BRCA2: variants seen among roughly 807,000 people sequenced by gnomAD.
BRCA2 encodes the protein breast cancer type 2 susceptibility protein.
Under a neutral mutation model 276.7 loss-of-function variants are expected in BRCA2, and 203 were observed. That is an observed-to-expected ratio of 0.73 (90% CI 0.65 to 0.82). The LOEUF is 0.82. Ranked by LOEUF, BRCA2 falls within the 40% of genes least tolerant of loss-of-function variation. BRCA2 has a pLI of 0.00. For missense variants in BRCA2, 3,920 were observed against 3,915.0 expected, an observed-to-expected ratio of 1.00 and a Z score of -0.03; for synonymous variants, 1,289 against 1,338.4, an observed-to-expected ratio of 0.96 and a Z score of 0.81.
chr13:32,343,423 C>T (rs2072587872), intron 11 of BRCA2, among the ~76,000 whole-genome samples: 1 of 152,012 alleles, frequency 6.6e-6, no homozygotes, highest in South Asian at 2.1e-4. Flanking sequence ...AGAGAGACAC[C>T]GAAGTTAGTC....
Position 32,362,472 on chromosome 13 carries a change from A to C in BRCA2, c.7806-51A>C, listed in dbSNP as rs764491979. Reference sequence around the variant, plus strand: ...GAGAATAGTTGTAGTTGTTGAATTCAGTATCATCCTATGTGGTTTTTATGA... The same window carrying C: ...GAGAATAGTTGTAGTTGTTGAATTCCGTATCATCCTATGTGGTTTTTATGA... On this transcript the variant is annotated intron_variant, in intron 16 of 26. Coordinates refer to ENST00000380152, the MANE Select transcript of BRCA2 (RefSeq NM_000059.4). 13 of 1,534,422 alleles carry C rather than the reference A, an allele frequency of 8.5e-6. No individual in the cohort carries two copies. The Admixed American group carries it at 2.2e-4, about 26-fold the overall frequency.
At chr13:32,388,341 ACTC>A (rs1365031188) in intron 24 of BRCA2, among the ~76,000 whole-genome samples, 2 of 151,392 alleles carry the variant, frequency 1.3e-5, no homozygotes, top group Non-Finnish European at 2.9e-5. Flanking sequence ...GTGGTCTTGA[ACTC>A]CTGAGCTCAG....
chr13:32,326,665 T>C, intron 7 of BRCA2, 52 bp downstream of exon 7: 1 of 1,329,138 alleles, frequency 7.5e-7, no homozygotes, highest in South Asian at 1.2e-5. Flanking sequence ...GGTTGATAAT[T>C]GTCATCTCTA....
chr13:32,329,373 A>T (rs2137457814), intron 7 of BRCA2, 70 bp from the exon 8 acceptor site: 1 of 1,076,132 alleles, frequency 9.3e-7, no homozygotes, highest in South Asian at 1.4e-5. Flanking sequence ...GTGCTTTTTG[A>T]TGTCTGACAA....
chr13:32,355,601 C>T (rs1316876907), intron 14 of BRCA2, among the ~76,000 whole-genome samples: 5 of 152,106 alleles, frequency 3.3e-5, no homozygotes, highest in Admixed American at 3.3e-4. Context: ...GTGGCTCATG[C>T]CTGTAATCCC....
At chr13:32,316,588 C>A (rs2138698959) in intron 2 of BRCA2, 61 bp downstream of exon 2, 1 of 1,476,784 alleles carries the variant, frequency 6.8e-7, no homozygotes, top group Non-Finnish European at 9.4e-7. Context: ...CTAAAAAATG[C>A]TTGCTAAAAA....
chr13:32,317,199 A>AAAAC (rs568073244), intron 2 of BRCA2, among the ~76,000 whole-genome samples: 4 of 152,232 alleles, frequency 2.6e-5, no homozygotes, highest in East Asian at 1.9e-4. Context: ...ACTCTGTCTC[A>AAAAC]AAACAAACAA....
intron 25 of BRCA2, chr13:32,395,994 C>CA (rs1335065907): frequency 1.1e-5 from 1 of 91,842 alleles, no homozygotes; most frequent in Admixed American, 1.8e-4. Flanking sequence ...TTTTTAGAGA[C>CA]AGAGTCTTGC....
chr13:32,399,053 C>T lies in BRCA2; in HGVS notation c.*283C>T. On this transcript the variant is annotated 3_prime_UTR_variant, in exon 27 of 27. Transcript: ENST00000380152. ...CGGTGGCTCATGCCTGTAATCCCAA[C>T]ACTTTGAGAAGCTGAGGTGGGAGGA... 2.7e-6 allele frequency: 1 copy of T among 373,032 alleles called. No homozygotes were observed. Among genetic ancestry groups the T allele is most frequent in the South Asian group, 3.6e-5 (1 of 27,720 alleles). The allele number at this position is 373,032 out of a possible 1,614,324, so 23.1% of individuals were successfully genotyped here. A position where few individuals can be genotyped will look rare whatever the true frequency, so the allele number is the denominator to read the frequency against.
chr13:32,347,776 C>T (rs2072621719), intron 13 of BRCA2, among the ~76,000 whole-genome samples: 1 of 151,872 alleles, frequency 6.6e-6, no homozygotes, highest in Admixed American at 6.6e-5. Flanking sequence ...ATAGAAAAGA[C>T]CAAAAAATAC....
chr13:32,340,797 T>C lies in BRCA2; in HGVS notation c.6442T>C (p.Ser2148Pro), dbSNP rs1314863621. 1 of 1,591,058 alleles carries C rather than the reference T, an allele frequency of 6.3e-7. No homozygotes were observed. The highest frequency in any genetic ancestry group is 1.2e-5 in the South Asian group (1 of 86,364). ...AGGTGGTTCTTCAGAAAATAATCAC[T>C]CTATTAAAGTTTCTCCATATCTCTC... ...VEGGSSENNH[S>P]IKVSPYLSQF... Residue 2148 changes from serine (S) to proline (P), a missense_variant, in exon 11 of 27, where the codon TCT becomes CCT. Ser to Pro is a moderately conservative substitution (Grantham distance 74, BLOSUM62 -1). This residue lies in a region of BRCA2 where 3,263 missense variants were observed against 3,156.9 expected (regional missense o/e 1.03). Coordinates refer to ENST00000380152, the MANE Select transcript of BRCA2 (RefSeq NM_000059.4).
chr13:32,365,247 AC>A lies in BRCA2; in HGVS notation c.8331+1715del, dbSNP rs550559376. The stretch of plus-strand genomic sequence containing the variant: ...GAACTTCTGGGCTCAAACGGTCCTC[AC>A]GCTTTAGCCTCCGAGAGTGCTGGGA... On this transcript the variant is annotated intron_variant, in intron 18 of 26. Transcript: ENST00000380152. Among the ~76,000 whole-genome samples, 65 of 149,842 alleles carry A rather than the reference AC, an allele frequency of 4.3e-4. 1 individual carries two copies. The South Asian group carries it at 9.1e-3, about 21-fold the overall frequency.
rs81002811 is a variant in BRCA2, at chr13:32,344,538, T to A, written c.6842-20T>A. 1.5e-4 allele frequency: 210 copies of A among 1,435,384 alleles called. 2 individuals carry two copies. In the Admixed American group the frequency reaches 1.7e-3, roughly 11 times the overall value. The allele number at this position is 1,435,384 out of a possible 1,614,324, so 88.9% of individuals were successfully genotyped here. ...TGATATTATTTGCCTTAAAAACATA[T>A]ATGAAATATTTCTTTTTAGGAGAAC... On this transcript the variant is annotated intron_variant, in intron 11 of 26. Transcript: ENST00000380152.
intron 13 of BRCA2, among the ~76,000 whole-genome samples, chr13:32,351,224 C>T (rs1442438399): frequency 1.3e-5 from 2 of 152,200 alleles, no homozygotes; most frequent in African/African-American, 2.4e-5. Context: ...CTGTAACACT[C>T]ACCACGAAGG....
Position 32,379,898 on chromosome 13 carries a change from G to C in BRCA2, c.9102G>C (p.Gln3034His), listed in dbSNP as rs1336395181. ...AGTTAGCAGCGACAAAAAAAACTCA[G>C]TATCAACAACTACCGGTACAAACCT... ...NIQLAATKKTQYQQLPVSDEI... is the reference protein window; with the variant it reads ...NIQLAATKKTHYQQLPVSDEI... The change falls in exon 23 of 27, where the codon CAG becomes CAC. Residue 3034 changes from glutamine to histidine, a missense_variant. Physicochemically the swap from Gln to His is conservative, Grantham distance 24 (BLOSUM62 0). Coordinates refer to ENST00000380152, the MANE Select transcript of BRCA2 (RefSeq NM_000059.4). 2 of 1,613,596 alleles carry C rather than the reference G, an allele frequency of 1.2e-6. No individual in the cohort carries two copies. The highest frequency in any genetic ancestry group is 2.7e-5 in the African/African-American group (2 of 74,914).
At position 32,338,825 on chromosome 13, in the gene BRCA2, A is replaced by G. The variant is rs1593902461; in HGVS notation, c.4470A>G (p.Ile1490Met). 1 of 1,613,876 alleles carries G rather than the reference A, an allele frequency of 6.2e-7. No individual in the cohort carries two copies. The change falls in exon 11 of 27, where the codon ATA becomes ATG. Residue 1490 changes from isoleucine to methionine, a missense_variant. Ile to Met is a conservative substitution (Grantham distance 10, BLOSUM62 1). This residue lies in a region of BRCA2 where 3,263 missense variants were observed against 3,156.9 expected (regional missense o/e 1.03). Coordinates refer to ENST00000380152, the MANE Select transcript of BRCA2 (RefSeq NM_000059.4). Reference sequence around the variant, plus strand: ...AAACAGACATAGTTAAACACAAAATACTGAAAGAAAGTGTCCCAGTTGGTA... The same window carrying G: ...AAACAGACATAGTTAAACACAAAATGCTGAAAGAAAGTGTCCCAGTTGGTA... ...YEETDIVKHK[I>M]LKESVPVGTG...
At chr13:32,342,476 A>G (rs1442708231) in intron 11 of BRCA2, among the ~76,000 whole-genome samples, 1 of 152,164 alleles carries the variant, frequency 6.6e-6, no homozygotes, top group Non-Finnish European at 1.5e-5. Context: ...ATATCTAACA[A>G]CTTAGTTCAA....
At chr13:32,385,863 T>G (rs959310009) in intron 24 of BRCA2, 1 of 160,864 alleles carries the variant, frequency 6.2e-6, no homozygotes, top group African/African-American at 2.4e-5. Flanking sequence ...CTGATGTCAG[T>G]GCAATTATCC....
At chr13:32,383,759 G>A (rs572933331) in intron 24 of BRCA2, among the ~76,000 whole-genome samples, 1 of 147,330 alleles carries the variant, frequency 6.8e-6, no homozygotes, top group Non-Finnish European at 1.5e-5. Flanking sequence ...GTCACGGTGG[G>A]TTTGAGTTAG....
Sources: gnomAD v4.1 joint callset for allele counts (sites outside exome capture counted in the v4.1 genomes callset) on GRCh38, gnomAD v4.1.1 for gene constraint, gnomAD v4.1.1 regional missense constraint, MANE v1.5 for transcripts, NCBI Gene and HGNC (gene_info 2026-07-23, HGNC 2026-07-21) for gene names.